Variants in COL6A5 observed in about 807,000 individuals in gnomAD.
COL6A5 encodes the protein collagen alpha-5(VI) chain.
Under a neutral mutation model 65.6 loss-of-function variants are expected in COL6A5, and 48 were observed. The observed-to-expected ratio is 0.73, with a 90% CI of 0.58 to 0.93. COL6A5 has a LOEUF of 0.93. COL6A5 is among the 40% of genes least tolerant of loss of function. COL6A5 has a pLI of 0.00. For missense variants in COL6A5, 914 were observed against 928.3 expected, an observed-to-expected ratio of 0.98 and a Z score of 0.20; for synonymous variants, 291 against 322.8, an observed-to-expected ratio of 0.90 and a Z score of 1.05.
intron 7 of COL6A5, among the ~76,000 whole-genome samples, chr3:130,473,487 G>T (rs1710011937): frequency 6.6e-6 from 1 of 152,044 alleles, no homozygotes; most frequent in South Asian, 2.1e-4. Context: ...GCATCAGTTG[G>T]CAGCTAAGTG....
chr3:130,379,886 C>T (rs776539893), exon 4 of COL6A5: 9 of 1,551,260 alleles, frequency 5.8e-6, no homozygotes, highest in Non-Finnish European at 7.0e-6. Context: ...GCTAACAATA[C>T]CCAGTTAGAA....
Position 130,385,375 on chromosome 3 carries a change from C to T in COL6A5, c.1861+11C>T, listed in dbSNP as rs765638243. On this transcript the variant is annotated intron_variant and NMD_transcript_variant, in intron 5 of 41. Transcript: ENST00000312481. The stretch of plus-strand genomic sequence containing the variant: ...TCTGCGCTGAAAAAGGTAAGCAACA[C>T]AAAAAAGGCTTTATTCTCCACATTT... The T allele has an allele frequency of 1.9e-6, 3 of 1,538,572 alleles. No homozygotes were observed. The highest frequency in any genetic ancestry group is 2.8e-5 in the African/African-American group (2 of 71,826).
At chr3:130,439,541 T>G in exon 2 of COL6A5, 1 of 1,550,840 alleles carries the variant, frequency 6.4e-7, no homozygotes, top group Non-Finnish European at 8.7e-7. Context: ...ACTGGAACAT[T>G]TCAGGTGATT....
intron 5 of COL6A5, among the ~76,000 whole-genome samples, chr3:130,387,124 T>C (rs1936219076): frequency 1.3e-5 from 2 of 151,980 alleles, no homozygotes; most frequent in Non-Finnish European, 2.9e-5. Context: ...TCACCTTCCA[T>C]CCATGGAAAG....
intron 7 of COL6A5, among the ~76,000 whole-genome samples, chr3:130,392,548 T>C (rs907678269): frequency 2.0e-5 from 3 of 152,142 alleles, no homozygotes; most frequent in African/African-American, 7.2e-5. Flanking sequence ...ATCTGGCAAA[T>C]GAAACAATTA....
At chr3:130,440,683 T>C (rs758415976) in exon 3 of COL6A5, 13 of 1,613,274 alleles carry the variant, frequency 8.1e-6, no homozygotes, top group Non-Finnish European at 1.0e-5. Context: ...TTGTGATTTC[T>C]CTGGGCTCTA....
chr3:130,445,022 GTC>G (rs1709274755), intron 4 of COL6A5, among the ~76,000 whole-genome samples: 4 of 152,182 alleles, frequency 2.6e-5, no homozygotes, highest in African/African-American at 9.6e-5. Context: ...ATAACAGACT[GTC>G]TTAAATCATT....
intron 1 of COL6A5, among the ~76,000 whole-genome samples, chr3:130,367,074 G>A (rs1191188851): frequency 6.6e-6 from 1 of 152,194 alleles, no homozygotes; most frequent in Non-Finnish European, 1.5e-5. Flanking sequence ...ATAAGCAGCA[G>A]TGTTGGAAGA....
chr3:130,463,047 T>C (rs927084971), intron 5 of COL6A5, among the ~76,000 whole-genome samples: 7 of 152,072 alleles, frequency 4.6e-5, no homozygotes, highest in African/African-American at 1.7e-4. Context: ...TATTCTGCCC[T>C]CATAGTGCTT....
chr3:130,470,933 A>G, exon 7 of COL6A5: 6 of 1,612,602 alleles, frequency 3.7e-6, no homozygotes, highest in Non-Finnish European at 5.1e-6. Flanking sequence ...GACCTCTCCC[A>G]ACCCAGAGAA....
exon 8 of COL6A5, chr3:130,484,638 G>GA: frequency 2.5e-6 from 1 of 398,782 alleles, no homozygotes; most frequent in Non-Finnish European, 4.4e-6. Flanking sequence ...TGGTGAAAAA[G>GA]AAAAAAGTGA....
intron 1 of COL6A5, among the ~76,000 whole-genome samples, chr3:130,352,360 A>G (rs938842547): frequency 6.6e-6 from 1 of 152,058 alleles, no homozygotes; most frequent in African/African-American, 2.4e-5. Context: ...GGTAGTAGGT[A>G]GTAGAGTGTG....
At chr3:130,378,026 C>G (rs138200246) in intron 3 of COL6A5, among the ~76,000 whole-genome samples, 23 of 152,224 alleles carry the variant, frequency 1.5e-4, no homozygotes, top group African/African-American at 4.3e-4. Context: ...TCTAAGAACT[C>G]ACAGATGGGT....
chr3:130,426,402 T>C, exon 31 of COL6A5: 1 of 1,551,130 alleles, frequency 6.4e-7, no homozygotes, highest in Non-Finnish European at 8.7e-7. Context: ...GGGAACATAG[T>C]CGTGAGTATC....
Position 130,440,487 on chromosome 3 carries a change from A to T in COL6A5, c.905A>T (p.Gln302Leu), listed in dbSNP as rs770437530. The change falls in exon 3 of 8, where the codon CAA becomes CTA. Residue 302 changes from glutamine to leucine, a missense_variant. Physicochemically the swap from Gln to Leu is moderately radical, Grantham distance 113. Transcript: ENST00000512836. ...AAGAATCACATCCAGACTTCCTTCC[A>T]ACAGCTAAATGGAGAAGCAACAATT... 2.5e-6 allele frequency: 4 copies of T among 1,613,752 alleles called. No individual in the cohort carries two copies. The South Asian group carries it at 4.4e-5, about 18-fold the overall frequency.
At chr3:130,393,266 A>G (rs1005907315) in intron 7 of COL6A5, among the ~76,000 whole-genome samples, 1 of 151,740 alleles carries the variant, frequency 6.6e-6, no homozygotes, top group African/African-American at 2.4e-5. Flanking sequence ...TATCCTGCCC[A>G]CCATGAACAC....
At chr3:130,391,692 T>C (rs1936408234) in exon 7 of COL6A5, 2 of 1,551,546 alleles carry the variant, frequency 1.3e-6, no homozygotes, top group African/African-American at 2.7e-5. Context: ...GTAGATAATT[T>C]TGACAAACTG....
intron 25 of COL6A5, 147 bp downstream of exon 25, chr3:130,419,078 C>T (rs144901889): frequency 7.4e-6 from 5 of 674,636 alleles, no homozygotes; most frequent in African/African-American, 7.2e-5. Context: ...TCTCCCACCC[C>T]CTAAAGCTCT....
chr3:130,483,265 C>T (rs766397163), intron 7 of COL6A5, among the ~76,000 whole-genome samples: 5 of 152,048 alleles, frequency 3.3e-5, no homozygotes, highest in Non-Finnish European at 7.4e-5. Flanking sequence ...CCAGCCGCTG[C>T]AAAAAACAAC....
Sources: gnomAD v4.1 joint callset for allele counts (sites outside exome capture counted in the v4.1 genomes callset) on GRCh38, gnomAD v4.1.1 for gene constraint, MANE v1.5 for transcripts, NCBI Gene and HGNC (gene_info 2026-07-23, HGNC 2026-07-21) for gene names.